PPP3R1: variants seen among roughly 807,000 people sequenced by gnomAD.
The protein encoded by PPP3R1 is protein phosphatase 3 regulatory subunit B, alpha, also known as calcineurin subunit B type 1.
PPP3R1 carries 5 observed loss-of-function variants against 22.6 expected under a neutral mutation model. The ratio of observed to expected loss-of-function variants is 0.22; its 90% CI spans 0.12 to 0.46. PPP3R1 has a LOEUF of 0.46. PPP3R1 is among the 20% of genes least tolerant of loss of function. The pLI, the probability that PPP3R1 is intolerant of heterozygous loss-of-function variation, is 0.99. For synonymous variants in PPP3R1, 56 were observed against 65.2 expected (o/e 0.86, Z 0.68); for missense variants, 61 against 203.2 (o/e 0.30, Z 4.25).
intron 4 of PPP3R1, 31 bp downstream of exon 4, chr2:68,187,224 G>C: frequency 1.3e-6 from 2 of 1,527,346 alleles, no homozygotes; most frequent in Non-Finnish European, 9.0e-7. Flanking sequence ...GGTAGTATAA[G>C]AGAATGAAGT....
rs1478321023 is a variant in PPP3R1 at position 68,252,160 on chromosome 2, CTGGCTCGG to C, written c.-41_-34del. The C allele has an allele frequency of 2.1e-6, 3 of 1,405,628 alleles. No individual in the cohort carries two copies. Among genetic ancestry groups the C allele is most frequent in the African/African-American group, 3.0e-5 (2 of 67,088 alleles). The allele number at this position is 1,405,628 out of a possible 1,614,324, so 87.1% of individuals were successfully genotyped here. A position where few individuals can be genotyped will look rare whatever the true frequency, so the allele number is the denominator to read the frequency against. Reference sequence around the variant, plus strand: ...GGCGGGTCGGCGGCTCGCTGGCTCGCTGGCTCGGAGAAGTGTTGCGCTCAGGCTGGCTC... The same window carrying C: ...GGCGGGTCGGCGGCTCGCTGGCTCGCAGAAGTGTTGCGCTCAGGCTGGCTC... On this transcript the variant is annotated 5_prime_UTR_variant, in exon 1 of 6. Transcript: ENST00000234310.
At chr2:68,244,047 C>T (rs900905698) in intron 1 of PPP3R1, among the ~76,000 whole-genome samples, 8 of 152,018 alleles carry the variant, frequency 5.3e-5, no homozygotes, top group African/African-American at 1.9e-4. Context: ...TTTTAAGTGA[C>T]TACATTAATG....
At chr2:68,226,787 T>G (rs1669789086) in intron 1 of PPP3R1, among the ~76,000 whole-genome samples, 1 of 152,152 alleles carries the variant, frequency 6.6e-6, no homozygotes. Context: ...AAGTCCTAAT[T>G]TAAGCATCAA....
At chr2:68,229,458 T>C (rs1240707069) in intron 1 of PPP3R1, among the ~76,000 whole-genome samples, 1 of 152,248 alleles carries the variant, frequency 6.6e-6, no homozygotes, top group African/African-American at 2.4e-5. Flanking sequence ...ATTTTCTTGC[T>C]TGGTTACTCC....
At chr2:68,232,134 C>T (rs1558641299) in intron 1 of PPP3R1, among the ~76,000 whole-genome samples, 1 of 108,994 alleles carries the variant, frequency 9.2e-6, no homozygotes, top group Non-Finnish European at 1.9e-5. Flanking sequence ...TACACACACA[C>T]ACACATATAT....
rs1313349319 is a variant in PPP3R1, at chr2:68,179,661, C to G, written c.*1302G>C. ...TTGCAGAAATGGGAAGGGATAAGAT[C>G]AAACAGTAGAACATGATACACTACT... On this transcript the variant is annotated 3_prime_UTR_variant, in exon 6 of 6. Coordinates refer to ENST00000234310, the MANE Select transcript of PPP3R1 (RefSeq NM_000945.4). The G allele has an allele frequency of 6.6e-6, 1 of 152,034 alleles. No individual in the cohort carries two copies. The highest frequency in any genetic ancestry group is 1.9e-4 in the East Asian group (1 of 5,192). 9.4% of individuals were successfully genotyped at this position (152,034 alleles called of 1,614,324 possible).
intron 1 of PPP3R1, among the ~76,000 whole-genome samples, chr2:68,232,122 T>TACACACACACACAC (rs1165774321): frequency 0.028 from 1,334 of 48,080 alleles, 52 homozygotes; most frequent in African/African-American, 0.1. Flanking sequence ...TATATATATA[T>TACACACACACACAC]ATACACACAC....
intron 5 of PPP3R1, among the ~76,000 whole-genome samples, chr2:68,183,915 G>C (rs745525398): frequency 6.6e-6 from 1 of 152,068 alleles, no homozygotes; most frequent in African/African-American, 2.4e-5. Context: ...ATTTCTTTGG[G>C]GAGATAAGAT....
At chr2:68,232,799 G>C (rs995621255) in intron 1 of PPP3R1, among the ~76,000 whole-genome samples, 5 of 152,052 alleles carry the variant, frequency 3.3e-5, no homozygotes, top group African/African-American at 1.2e-4. Context: ...TAGAGATGAG[G>C]TTTTGCCATA....
chr2:68,215,933 A>G (rs1353407010), intron 2 of PPP3R1, among the ~76,000 whole-genome samples: 1 of 152,174 alleles, frequency 6.6e-6, no homozygotes, highest in East Asian at 1.9e-4. Context: ...TAAATACTAA[A>G]TTATAAATAA....
intron 5 of PPP3R1, among the ~76,000 whole-genome samples, chr2:68,185,360 G>A (rs1674513830): frequency 6.8e-6 from 1 of 147,976 alleles, no homozygotes; most frequent in Non-Finnish European, 1.5e-5. Context: ...CCACTGATGT[G>A]ATATACTTAT....
At chr2:68,182,957 CTT>C (rs1297526379) in intron 5 of PPP3R1, among the ~76,000 whole-genome samples, 1 of 152,104 alleles carries the variant, frequency 6.6e-6, no homozygotes, top group African/African-American at 2.4e-5. Context: ...TGAAAGCACT[CTT>C]TGAGCCTTCC....
intron 1 of PPP3R1, among the ~76,000 whole-genome samples, chr2:68,229,070 G>T (rs1669836808): frequency 6.6e-6 from 1 of 152,112 alleles, no homozygotes; most frequent in Non-Finnish European, 1.5e-5. Context: ...CTCAGCTTGA[G>T]TGTAGTGGCA....
At chr2:68,188,105 G>A (rs1193230318) in intron 3 of PPP3R1, among the ~76,000 whole-genome samples, 1 of 152,126 alleles carries the variant, frequency 6.6e-6, no homozygotes, top group Non-Finnish European at 1.5e-5. Flanking sequence ...AGGAGGCGGA[G>A]GCTGCAGTGA....
In PPP3R1 at chr2:68,209,458, T is replaced by TA. The variant is rs948476576; in HGVS notation, c.43+7633dup. Among the ~76,000 whole-genome samples, 16 of 145,668 alleles carry TA rather than the reference T, an allele frequency of 1.1e-4. No individual in the cohort carries two copies. In the South Asian group the frequency reaches 1.1e-3, roughly 10 times the overall value. ...AATTTGGGTTTAGGTCAACTGCTATTAAAAAAAAATAAAGGCCAGGTACAG... is the reference window on the plus strand; with the variant it reads ...AATTTGGGTTTAGGTCAACTGCTATTAAAAAAAAAATAAAGGCCAGGTACAG... On this transcript the variant is annotated intron_variant, in intron 2 of 5. Transcript: ENST00000234310.
At position 68,179,009 on chromosome 2, in the gene PPP3R1, A is replaced by AAAAAAAAAAAAAAAG. The variant is rs1553403013; in HGVS notation, c.*1953_*1954insCTTTTTTTTTTTTTT. The AAAAAAAAAAAAAAAG allele has an allele frequency of 8.2e-5, 10 of 122,510 alleles. No individual in the cohort carries two copies. The highest frequency in any genetic ancestry group is 2.7e-4 in the South Asian group (1 of 3,654). 7.6% of individuals were successfully genotyped at this position (122,510 alleles called of 1,614,324 possible). ...CACACACAAACTAAAAAAAAAAAAA[A>AAAAAAAAAAAAAAAG]AAAAAAAGAAAAAGAAAAAACCCTC... On this transcript the variant is annotated 3_prime_UTR_variant, in exon 6 of 6. Coordinates refer to ENST00000234310, the MANE Select transcript of PPP3R1 (RefSeq NM_000945.4).
intron 1 of PPP3R1, among the ~76,000 whole-genome samples, chr2:68,232,595 G>GTTT (rs1477186676): frequency 2.6e-5 from 4 of 151,856 alleles, no homozygotes; most frequent in Non-Finnish European, 4.4e-5. Flanking sequence ...CTATTACAGT[G>GTTT]TTTTTGTTGT....
intron 2 of PPP3R1, among the ~76,000 whole-genome samples, chr2:68,198,573 C>T (rs1674887083): frequency 6.6e-6 from 1 of 151,394 alleles, no homozygotes; most frequent in Non-Finnish European, 1.5e-5. Context: ...TACCTTATGC[C>T]AGTACCACAG....
chr2:68,181,392 CA>C (rs70949678), intron 5 of PPP3R1, among the ~76,000 whole-genome samples: 36,703 of 107,320 alleles, frequency 0.34, 5,003 homozygotes, highest in African/African-American at 0.45. Flanking sequence ...GACTCCATCT[CA>C]AAAAAAAAAA....
Sources: gnomAD v4.1 joint callset for allele counts (sites outside exome capture counted in the v4.1 genomes callset) on GRCh38, gnomAD v4.1.1 for gene constraint, MANE v1.5 for transcripts, NCBI Gene and HGNC (gene_info 2026-07-23, HGNC 2026-07-21) for gene names.